ADAMTS17: variants seen among roughly 807,000 people sequenced by gnomAD.
The protein encoded by ADAMTS17 is ADAM metallopeptidase with thrombospondin type 1 motif 17, also known as A disintegrin and metalloproteinase with thrombospondin motifs 17.
ADAMTS17 carries 113 observed loss-of-function variants against 141.5 expected under a neutral mutation model. The observed-to-expected ratio is 0.80, with a 90% CI of 0.69 to 0.93. The LOEUF is 0.93. ADAMTS17 is among the 40% of genes least tolerant of loss of function. The pLI is 0.00. For synonymous variants in ADAMTS17, 768 were observed against 630.6 expected (o/e 1.22, Z -3.27); for missense variants, 1,659 against 1,517.9 (o/e 1.09, Z -1.54).
At chr15:100,064,389 G>T (rs1176084695) in intron 15 of ADAMTS17, among the ~76,000 whole-genome samples, 1 of 152,168 alleles carries the variant, frequency 6.6e-6, no homozygotes, top group Non-Finnish European at 1.5e-5. Flanking sequence ...GCGGCACTTT[G>T]TTACGGAAAC....
At chr15:100,340,992 GT>G (rs1567558079) in intron 2 of ADAMTS17, 46 bp downstream of exon 2, 1 of 1,507,740 alleles carries the variant, frequency 6.6e-7, no homozygotes, top group Middle Eastern at 2.4e-4. Flanking sequence ...ACCACTCTGC[GT>G]CGCAACAGAC....
At chr15:99,994,800 G>A (rs956393501) in intron 19 of ADAMTS17, among the ~76,000 whole-genome samples, 14 of 152,188 alleles carry the variant, frequency 9.2e-5, no homozygotes, top group African/African-American at 3.4e-4. Context: ...CTCCTGACTC[G>A]TGATCCACCC....
At chr15:100,138,410 T>C (rs929636284) in intron 10 of ADAMTS17, among the ~76,000 whole-genome samples, 2 of 152,162 alleles carry the variant, frequency 1.3e-5, no homozygotes, top group Admixed American at 6.5e-5. Flanking sequence ...AAATAGAAGA[T>C]GAGATTACAT....
chr15:100,293,231 A>G (rs2142137215), intron 3 of ADAMTS17, among the ~76,000 whole-genome samples: 1 of 152,272 alleles, frequency 6.6e-6, no homozygotes, highest in African/African-American at 2.4e-5. Flanking sequence ...GAACTCCAAG[A>G]AAGGCCAATG....
chr15:100,206,699 G>T (rs2041581196), intron 7 of ADAMTS17, among the ~76,000 whole-genome samples: 2 of 152,142 alleles, frequency 1.3e-5, no homozygotes, highest in Admixed American at 6.5e-5. Context: ...CTCCATGTGG[G>T]GAACGGGACA....
intron 12 of ADAMTS17, among the ~76,000 whole-genome samples, chr15:100,120,894 C>T (rs1567209311): frequency 6.6e-6 from 1 of 152,216 alleles, no homozygotes; most frequent in Non-Finnish European, 1.5e-5. Flanking sequence ...TGAGGAAACC[C>T]AGATGTTGGC....
intron 15 of ADAMTS17, among the ~76,000 whole-genome samples, chr15:100,095,948 A>G (rs2035730510): frequency 2.0e-5 from 3 of 152,212 alleles, no homozygotes; most frequent in Non-Finnish European, 4.4e-5. Context: ...GAAATGTGTT[A>G]TCCTACTTTT....
rs144987169 is a variant in ADAMTS17 at position 100,210,898 on chromosome 15, G to C, written c.1076-11475C>G. The stretch of plus-strand genomic sequence containing the variant: ...GGGCGGATCACGAGGTCAGGAGATC[G>C]AGACCATCCTGGCTAACATGGTGAA... On this transcript the variant is annotated intron_variant, in intron 7 of 21. Transcript: ENST00000268070. Among the ~76,000 whole-genome samples the C allele has an allele frequency of 1.9e-3, 296 of 152,126 alleles. 2 individuals are homozygous for C. Among genetic ancestry groups the C allele is most frequent in the African/African-American group, 6.6e-3 (276 of 41,518 alleles).
At chr15:100,081,747 C>G (rs1184928930) in intron 15 of ADAMTS17, among the ~76,000 whole-genome samples, 5 of 152,176 alleles carry the variant, frequency 3.3e-5, no homozygotes, top group Non-Finnish European at 5.9e-5. Context: ...AATCAATCTT[C>G]TTAGTATTTG....
At chr15:100,333,941 A>G (rs1360548333) in intron 2 of ADAMTS17, among the ~76,000 whole-genome samples, 1 of 152,240 alleles carries the variant, frequency 6.6e-6, no homozygotes, top group Non-Finnish European at 1.5e-5. Context: ...AAAGCCCCCA[A>G]TGAAATGGTG....
At chr15:100,077,133 C>G (rs1361452540) in intron 15 of ADAMTS17, among the ~76,000 whole-genome samples, 1 of 151,748 alleles carries the variant, frequency 6.6e-6, no homozygotes, top group Non-Finnish European at 1.5e-5. Flanking sequence ...TGCTAGGACT[C>G]AAGCTTGGTT....
intron 7 of ADAMTS17, among the ~76,000 whole-genome samples, chr15:100,224,533 T>A (rs2042238672): frequency 6.6e-6 from 1 of 152,224 alleles, no homozygotes; most frequent in Admixed American, 6.5e-5. Flanking sequence ...AAAAGGGATT[T>A]GGTTTGAGAG....
In ADAMTS17 at chr15:100,152,689, G is replaced by A. The variant is rs1169017000; in HGVS notation, c.1396C>T (p.Pro466Ser). The change falls in exon 10 of 22, where the codon CCG (proline) becomes TCG (serine). Residue 466 changes from proline to serine, a missense_variant. Transcript: ENST00000268070. Reference sequence around the variant, plus strand: ...TCGTTGGCACTGTAGTGCATGCCCGGCAGCTTGTGCGGGAGGCGTACTGTG... The same window carrying A: ...TCGTTGGCACTGTAGTGCATGCCCGACAGCTTGTGCGGGAGGCGTACTGTG... The part of the protein sequence containing the change: ...QHTVRLPHKL[P>S]GMHYSANEQC... 1 of 1,614,228 alleles carries A rather than the reference G, an allele frequency of 6.2e-7. No individual in the cohort carries two copies. Among genetic ancestry groups the A allele is most frequent in the Non-Finnish European group, 8.5e-7 (1 of 1,180,056 alleles).
intron 15 of ADAMTS17, among the ~76,000 whole-genome samples, chr15:100,069,676 T>C (rs1438393817): frequency 1.3e-5 from 2 of 151,950 alleles, no homozygotes; most frequent in Non-Finnish European, 2.9e-5. Flanking sequence ...TAAAATACTA[T>C]ACAGACAAGC....
At chr15:100,016,824 A>G (rs1464028651) in intron 18 of ADAMTS17, among the ~76,000 whole-genome samples, 2 of 152,050 alleles carry the variant, frequency 1.3e-5, no homozygotes, top group Non-Finnish European at 2.9e-5. Flanking sequence ...TTAGTATTCT[A>G]TTTTTGTGCT....
intron 8 of ADAMTS17, among the ~76,000 whole-genome samples, chr15:100,184,556 G>A (rs569959717): frequency 9.1e-4 from 138 of 152,322 alleles, no homozygotes; most frequent in African/African-American, 3.3e-3. Context: ...GGCACATGGA[G>A]GGTAAATGAT....
At chr15:100,027,024 A>C (rs186550081) in intron 18 of ADAMTS17, among the ~76,000 whole-genome samples, 1 of 152,318 alleles carries the variant, frequency 6.6e-6, no homozygotes, top group Non-Finnish European at 1.5e-5. Flanking sequence ...ATTGTGTTTT[A>C]ATGTGTACAA....
At chr15:100,297,529 G>C (rs536773869) in intron 3 of ADAMTS17, among the ~76,000 whole-genome samples, 10 of 152,254 alleles carry the variant, frequency 6.6e-5, no homozygotes, top group African/African-American at 1.9e-4. Context: ...ACAATACTGG[G>C]GCTATTTGGA....
rs201915809 is a variant in ADAMTS17, at chr15:100,078,215, CTTT to C, written c.2137+18138_2137+18140del. 2.2e-3 allele frequency among the ~76,000 whole-genome samples: 317 copies of C among 141,802 alleles called. 2 individuals are homozygous for C. Among genetic ancestry groups the C allele is most frequent in the African/African-American group, 7.5e-3 (300 of 40,022 alleles). 93.0% of individuals were successfully genotyped at this position (141,802 alleles called of 152,430 possible). A position where few individuals can be genotyped will look rare whatever the true frequency, so the allele number is the denominator to read the frequency against. ...CGTAATCCCTATAAAAAAATCCCAGCTTTTTTTTTTTTTTGCGAAAAATGACAA... is the reference window on the plus strand; with the variant it reads ...CGTAATCCCTATAAAAAAATCCCAGCTTTTTTTTTTTGCGAAAAATGACAA... On this transcript the variant is annotated intron_variant, in intron 15 of 21. Transcript: ENST00000268070.
Sources: gnomAD v4.1 joint callset for allele counts (sites outside exome capture counted in the v4.1 genomes callset) on GRCh38, gnomAD v4.1.1 for gene constraint, MANE v1.5 for transcripts, NCBI Gene and HGNC (gene_info 2026-07-23, HGNC 2026-07-21) for gene names.